The following ATP13A4 variants were observed in gnomAD, a reference collection of about 807,000 sequenced individuals.
ATP13A4 encodes the protein ATPase 13A4, also known as probable cation-transporting ATPase 13A4.
In ATP13A4, 114 loss-of-function variants were observed where a neutral mutation model predicts 142.5. The ratio of observed to expected loss-of-function variants is 0.80; its 90% CI spans 0.69 to 0.93. The LOEUF is 0.93. Ranked by LOEUF, ATP13A4 falls within the 40% of genes least tolerant of loss-of-function variation. The pLI, the probability that ATP13A4 is intolerant of heterozygous loss-of-function variation, is 0.00. For synonymous variants in ATP13A4, 488 were observed against 514.8 expected (o/e 0.95, Z 0.70); for missense variants, 1,392 against 1,454.0 (o/e 0.96, Z 0.69).
intron 17 of ATP13A4, among the ~76,000 whole-genome samples, chr3:193,452,192 T>C (rs151267880): frequency 1.9e-3 from 294 of 152,300 alleles, no homozygotes; most frequent in African/African-American, 6.4e-3. Context: ...ACTCTTACCA[T>C]AGCCCTTGGC....
chr3:193,484,788 G>A (rs921285621), intron 7 of ATP13A4, among the ~76,000 whole-genome samples: 4 of 152,148 alleles, frequency 2.6e-5, no homozygotes, highest in Non-Finnish European at 4.4e-5. Context: ...AAAGAGATAT[G>A]GTTCTTAACA....
In ATP13A4 at chr3:193,467,315, C is replaced by T. The variant is rs1174682817; in HGVS notation, c.1114+1G>A. The T allele has an allele frequency of 3.1e-6, 5 of 1,614,006 alleles. No individual in the cohort carries two copies. The highest frequency in any genetic ancestry group is 2.5e-6 in the Non-Finnish European group (3 of 1,180,014). On this transcript the variant is annotated splice_donor_variant, in intron 10 of 29. Coordinates refer to ENST00000342695, the MANE Select transcript of ATP13A4 (RefSeq NM_032279.4). LOFTEE classifies it high-confidence loss of function. ...AATAAGAAAAAGGAGGGGATGCTAA[C>T]CAGTCTGCAGTACCACGGCTCTCAC...
intron 1 of ATP13A4, among the ~76,000 whole-genome samples, chr3:193,525,791 C>T (rs1413547185): frequency 6.6e-6 from 1 of 152,188 alleles, no homozygotes; most frequent in African/African-American, 2.4e-5. Flanking sequence ...TATTAATCTT[C>T]CATTGAAAGT....
At chr3:193,506,334 T>A (rs1720859467) in intron 2 of ATP13A4, among the ~76,000 whole-genome samples, 1 of 152,154 alleles carries the variant, frequency 6.6e-6, no homozygotes, top group Admixed American at 6.6e-5. Context: ...ACACCTCAGG[T>A]CTCATTGAGA....
At chr3:193,433,244 ATG>A (rs1051242637) in intron 25 of ATP13A4, among the ~76,000 whole-genome samples, 3 of 152,322 alleles carry the variant, frequency 2.0e-5, no homozygotes, top group Admixed American at 6.5e-5. Context: ...GAGGCTATGT[ATG>A]TGTTTGGGAA....
chr3:193,588,413 T>C (rs1724705751), intron 1 of ATP13A4, among the ~76,000 whole-genome samples: 1 of 152,198 alleles, frequency 6.6e-6, no homozygotes, highest in South Asian at 2.1e-4. Context: ...TTTGTGACTG[T>C]TACTAATAAT....
At chr3:193,446,278 G>A (rs578057295) in intron 18 of ATP13A4, among the ~76,000 whole-genome samples, 1 of 152,306 alleles carries the variant, frequency 6.6e-6, no homozygotes, top group African/African-American at 2.4e-5. Flanking sequence ...ACAGAGAACA[G>A]AGGCAAAAAT....
At chr3:193,410,844 T>C in intron 28 of ATP13A4, 138 bp downstream of exon 28, 1 of 632,576 alleles carries the variant, frequency 1.6e-6, no homozygotes, top group Non-Finnish European at 2.8e-6. Context: ...TAGATAAATT[T>C]AGCATTTTTT....
At chr3:193,437,103 CAA>C (rs1190025956) in intron 23 of ATP13A4, among the ~76,000 whole-genome samples, 10 of 62,790 alleles carry the variant, frequency 1.6e-4, no homozygotes, top group Non-Finnish European at 1.9e-4. Context: ...GACTCCGTCT[CAA>C]AAAAAAAAAA....
At chr3:193,578,315 A>G (rs190701038) in intron 2 of ATP13A4, among the ~76,000 whole-genome samples, 10 of 142,970 alleles carry the variant, frequency 7.0e-5, no homozygotes, top group Non-Finnish European at 4.4e-5. Context: ...ATCTATATCT[A>G]TATCTATATC....
intron 8 of ATP13A4, among the ~76,000 whole-genome samples, chr3:193,475,269 G>A (rs1339959822): frequency 2.6e-5 from 4 of 152,000 alleles, no homozygotes; most frequent in Non-Finnish European, 5.9e-5. Context: ...AGGATTGACT[G>A]AATAAACAAT....
At chr3:193,534,583 A>G (rs1327510383) in intron 1 of ATP13A4, among the ~76,000 whole-genome samples, 2 of 152,218 alleles carry the variant, frequency 1.3e-5, no homozygotes, top group Non-Finnish European at 2.9e-5. Context: ...CTGAAATTTT[A>G]AAACTCAGTG....
intron 3 of ATP13A4, among the ~76,000 whole-genome samples, chr3:193,500,003 T>C (rs1044196015): frequency 1.3e-5 from 2 of 152,216 alleles, no homozygotes; most frequent in African/African-American, 4.8e-5. Flanking sequence ...CTAGACCTTT[T>C]GAGCATATTT....
intron 2 of ATP13A4, among the ~76,000 whole-genome samples, chr3:193,574,125 T>G (rs1301755075): frequency 6.6e-6 from 1 of 152,252 alleles, no homozygotes; most frequent in Non-Finnish European, 1.5e-5. Flanking sequence ...CATTTCTTCT[T>G]TTTAACTAAT....
intron 25 of ATP13A4, among the ~76,000 whole-genome samples, chr3:193,425,642 G>T (rs1463446343): frequency 2.2e-4 from 34 of 151,684 alleles, no homozygotes. Context: ...TCACTCATTT[G>T]TAGAATCAAA....
In ATP13A4 at chr3:193,467,366, T is replaced by G; in HGVS notation, c.1064A>C (p.Gln355Pro). ...GGTCCCAGAGCAAGCTGCCTTGGCC[T>G]GGATAACCTCTGTTCCACAGAAGAG... ...HVLFCGTEVI[Q>P]AKAACSGTVR... Residue 355 changes from glutamine (Q) to proline (P), a missense_variant, in exon 10 of 30, where the codon CAG (glutamine) becomes CCG (proline). Coordinates refer to ENST00000342695, the MANE Select transcript of ATP13A4 (RefSeq NM_032279.4). The G allele has an allele frequency of 6.2e-7, 1 of 1,614,200 alleles. No homozygotes were observed. The highest frequency in any genetic ancestry group is 8.5e-7 in the Non-Finnish European group (1 of 1,180,030).
chr3:193,457,357 G>T (rs1717683165), intron 15 of ATP13A4, 22 bp downstream of exon 15: 1 of 1,612,408 alleles, frequency 6.2e-7, no homozygotes, highest in Admixed American at 1.7e-5. Context: ...GTGTTGTGGG[G>T]TGAAGAGCAA....
At chr3:193,564,360 A>G (rs746278348) in intron 2 of ATP13A4, among the ~76,000 whole-genome samples, 3 of 152,262 alleles carry the variant, frequency 2.0e-5, no homozygotes, top group African/African-American at 4.8e-5. Flanking sequence ...ACTGTGTCCT[A>G]TGAAATGCAT....
chr3:193,561,485 T>C (rs1724016031), intron 2 of ATP13A4, among the ~76,000 whole-genome samples: 1 of 152,220 alleles, frequency 6.6e-6, no homozygotes, highest in African/African-American at 2.4e-5. Context: ...GATCAATCAA[T>C]GATATTTTGA....
Sources: gnomAD v4.1 joint callset for allele counts (sites outside exome capture counted in the v4.1 genomes callset) on GRCh38, gnomAD v4.1.1 for gene constraint, MANE v1.5 for transcripts, NCBI Gene and HGNC (gene_info 2026-07-23, HGNC 2026-07-21) for gene names.